The following ZRANB3 variants were observed in gnomAD, a reference collection of about 807,000 sequenced individuals.
The protein encoded by ZRANB3 is DNA annealing helicase and endonuclease ZRANB3.
A neutral mutation model predicts 133.8 loss-of-function variants in ZRANB3; 125 were observed. The ratio of observed to expected loss-of-function variants is 0.93; its 90% CI spans 0.81 to 1.08. The LOEUF (loss-of-function observed/expected upper bound fraction) is 1.08. Among genes scored for constraint, ZRANB3 ranks in the 50% least tolerant of loss-of-function variants. The probability of loss-of-function intolerance (pLI) is 0.00; values close to 1 mark genes in which losing one functional copy is unlikely to be tolerated. For synonymous variants in ZRANB3, 387 were observed against 432.7 expected, an observed-to-expected ratio of 0.89 and a Z score of 1.31; for missense variants, 1,229 against 1,275.5, an observed-to-expected ratio of 0.96 and a Z score of 0.56.
chr2:135,476,529 C>A (rs1252209370), intron 2 of ZRANB3, among the ~76,000 whole-genome samples: 4 of 151,144 alleles, frequency 2.6e-5, no homozygotes, highest in Non-Finnish European at 4.4e-5. Context: ...TCTATATACA[C>A]TTGAAAATTC....
intron 2 of ZRANB3, among the ~76,000 whole-genome samples, chr2:135,394,818 G>C (rs1303868012): frequency 1.3e-5 from 2 of 151,872 alleles, no homozygotes; most frequent in Non-Finnish European, 2.9e-5. Flanking sequence ...GGAATGTCTA[G>C]TTATGTAAAA....
At chr2:135,429,654 C>A (rs1689234706) in intron 2 of ZRANB3, among the ~76,000 whole-genome samples, 1 of 151,826 alleles carries the variant, frequency 6.6e-6, no homozygotes, top group Admixed American at 6.6e-5. Flanking sequence ...TTTTCATCTT[C>A]CATATTGGAG....
intron 2 of ZRANB3, among the ~76,000 whole-genome samples, chr2:135,436,624 A>T (rs191334837): frequency 1.3e-5 from 2 of 152,326 alleles, no homozygotes; most frequent in East Asian, 3.9e-4. Context: ...AGATACAAAC[A>T]AATGGAAGAA....
At chr2:135,263,860 C>T (rs1004353260) in intron 12 of ZRANB3, among the ~76,000 whole-genome samples, 5 of 151,768 alleles carry the variant, frequency 3.3e-5, no homozygotes, top group African/African-American at 1.2e-4. Flanking sequence ...ACCAAAACTT[C>T]CAGTTCCTGG....
intron 2 of ZRANB3, among the ~76,000 whole-genome samples, chr2:135,419,582 C>T (rs77059761): frequency 0.033 from 4,950 of 151,964 alleles, 264 homozygotes; most frequent in African/African-American, 0.11. Context: ...AAGGATTGCA[C>T]CCATATACAA....
chr2:135,344,663 G>A (rs1316531941), intron 6 of ZRANB3, among the ~76,000 whole-genome samples: 2 of 152,118 alleles, frequency 1.3e-5, no homozygotes, highest in East Asian at 1.9e-4. Flanking sequence ...CTTGAACATC[G>A]GAAGCGGAGG....
intron 3 of ZRANB3, among the ~76,000 whole-genome samples, chr2:135,363,954 T>A (rs1490183546): frequency 1.3e-5 from 2 of 152,118 alleles, no homozygotes; most frequent in Non-Finnish European, 2.9e-5. Context: ...CATGTGCCTG[T>A]AGTCATAACT....
chr2:135,263,556 G>T (rs1573784227), intron 12 of ZRANB3, among the ~76,000 whole-genome samples: 1 of 152,108 alleles, frequency 6.6e-6, no homozygotes, highest in East Asian at 1.9e-4. Flanking sequence ...GCTCCTTAAA[G>T]AAATGGCCAA....
intron 2 of ZRANB3, among the ~76,000 whole-genome samples, chr2:135,430,130 C>T (rs1689254513): frequency 6.6e-6 from 1 of 152,028 alleles, no homozygotes; most frequent in East Asian, 1.9e-4. Flanking sequence ...GAGCCACGAT[C>T]ACACCACTGC....
At chr2:135,302,532 T>G (rs79057660) in intron 8 of ZRANB3, among the ~76,000 whole-genome samples, 15,830 of 151,764 alleles carry the variant, frequency 0.1, 1,084 homozygotes, top group South Asian at 0.32. Flanking sequence ...GGGTTTGTTT[T>G]TTTTTTTTTT....
chr2:135,259,178 C>T (rs1029988014), intron 12 of ZRANB3, among the ~76,000 whole-genome samples: 2 of 151,872 alleles, frequency 1.3e-5, no homozygotes, highest in African/African-American at 4.8e-5. Context: ...TACCACCATG[C>T]CCAGCTAATT....
At chr2:135,482,867 G>A (rs1008473614) in intron 2 of ZRANB3, among the ~76,000 whole-genome samples, 1 of 152,030 alleles carries the variant, frequency 6.6e-6, no homozygotes, top group South Asian at 2.1e-4. Flanking sequence ...TGCATCTATT[G>A]AGATAATCAT....
At chr2:135,385,857 T>C (rs943170234) in intron 3 of ZRANB3, among the ~76,000 whole-genome samples, 1 of 152,160 alleles carries the variant, frequency 6.6e-6, no homozygotes, top group African/African-American at 2.4e-5. Context: ...ATTAAAGACT[T>C]GAATGGTTTT....
intron 3 of ZRANB3, among the ~76,000 whole-genome samples, chr2:135,358,950 T>A (rs1164118164): frequency 1.3e-5 from 2 of 151,744 alleles, no homozygotes; most frequent in Admixed American, 1.3e-4. Flanking sequence ...ATAAGCCCAA[T>A]AAGAGACTAT....
intron 2 of ZRANB3, among the ~76,000 whole-genome samples, chr2:135,444,998 G>A (rs1305563607): frequency 1.3e-5 from 2 of 152,070 alleles, no homozygotes; most frequent in African/African-American, 4.8e-5. Context: ...TGGTTAGCAT[G>A]AAAACCCAAC....
intron 6 of ZRANB3, among the ~76,000 whole-genome samples, chr2:135,327,091 T>C (rs73960643): frequency 0.1 from 15,822 of 151,966 alleles, 1,087 homozygotes; most frequent in South Asian, 0.32. Flanking sequence ...AATGAGTACA[T>C]GGGGGGTTCA....
chr2:135,520,637 T>G (rs1474398769), intron 1 of ZRANB3, among the ~76,000 whole-genome samples: 1 of 151,786 alleles, frequency 6.6e-6, no homozygotes, highest in African/African-American at 2.4e-5. Context: ...TAGGCTAGAG[T>G]GCAGTGGTGT....
intron 1 of ZRANB3, among the ~76,000 whole-genome samples, chr2:135,508,903 T>C (rs868803639): frequency 5.3e-4 from 81 of 152,238 alleles, no homozygotes; most frequent in South Asian, 4.1e-4. Flanking sequence ...GTTACAATAA[T>C]GTGCATACCT....
chr2:135,335,299 G>T (rs4954240), intron 6 of ZRANB3, among the ~76,000 whole-genome samples: 40,512 of 151,314 alleles, frequency 0.27, 9,087 homozygotes, highest in African/African-American at 0.6. Context: ...CACTATTCTG[G>T]GTGACACAGA....
Sources: gnomAD v4.1 joint callset for allele counts (sites outside exome capture counted in the v4.1 genomes callset) on GRCh38, gnomAD v4.1.1 for gene constraint, MANE v1.5 for transcripts, NCBI Gene and HGNC (gene_info 2026-07-23, HGNC 2026-07-21) for gene names.